LAMB4: variants seen among roughly 807,000 people sequenced by gnomAD.
The protein encoded by LAMB4 is laminin subunit beta-4.
LAMB4 carries 196 observed loss-of-function variants against 199.2 expected under a neutral mutation model. The ratio of observed to expected loss-of-function variants is 0.98; its 90% CI spans 0.88 to 1.11. The LOEUF is 1.11. Ranked by LOEUF, LAMB4 falls within the 50% of genes least tolerant of loss-of-function variation. The probability of loss-of-function intolerance (pLI) is 0.00; values close to 1 mark genes in which losing one functional copy is unlikely to be tolerated. For missense variants in LAMB4, 2,080 were observed against 2,171.2 expected, an observed-to-expected ratio of 0.96 and a Z score of 0.83; for synonymous variants, 744 against 770.6, an observed-to-expected ratio of 0.97 and a Z score of 0.57.
Position 108,062,846 on chromosome 7 carries a change from A to G in LAMB4, c.3210T>C (p.Asn1070=). The change falls in exon 23 of 34, where the codon AAT becomes AAC. Residue 1070 remains asparagine (N), a synonymous_variant. Coordinates refer to ENST00000388781, the MANE Select transcript of LAMB4 (RefSeq NM_007356.3). ...ACDRCADGYW[N]LVPGRGCQSC... ...ACTGACATCCTCTGCCAGGGACCAG[A>G]TTCCAGTATCCATCAGCACAACGGT... is the stretch of plus-strand genomic sequence containing the variant. 6.4e-7 allele frequency: 1 copy of G among 1,571,324 alleles called. No homozygotes were observed. The highest frequency in any genetic ancestry group is 1.9e-5 in the Admixed American group (1 of 52,190).
At chr7:108,024,891 G>A (rs1584572490) in intron 33 of LAMB4, among the ~76,000 whole-genome samples, 1 of 152,200 alleles carries the variant, frequency 6.6e-6, no homozygotes, top group African/African-American at 2.4e-5. Flanking sequence ...AATAATGTGA[G>A]GCAGCATTTT....
In LAMB4 at chr7:108,055,630, ACC is replaced by A; in HGVS notation, c.3755_3755+1del. The A allele has an allele frequency of 6.2e-7, 1 of 1,610,184 alleles. No individual in the cohort carries two copies. The highest frequency in any genetic ancestry group is 1.1e-5 in the South Asian group (1 of 90,130). On this transcript the variant is annotated splice_donor_variant and coding_sequence_variant, in exon 25 of 34. Coordinates refer to ENST00000388781, the MANE Select transcript of LAMB4 (RefSeq NM_007356.3). LOFTEE classifies it high-confidence loss of function. ...TGTCTGTTACTTGAGCATAAATCTT[ACC>A]TAACAGAGTCATGATAATCCTTGAC...
At chr7:108,122,045 T>C (rs933038533) in intron 2 of LAMB4, among the ~76,000 whole-genome samples, 2 of 152,208 alleles carry the variant, frequency 1.3e-5, no homozygotes, top group African/African-American at 4.8e-5. Context: ...GTACGATTGA[T>C]TGCAGTGAGG....
At chr7:108,067,145 G>T (rs2036371597) in intron 19 of LAMB4, among the ~76,000 whole-genome samples, 1 of 152,080 alleles carries the variant, frequency 6.6e-6, no homozygotes, top group Non-Finnish European at 1.5e-5. Flanking sequence ...GCGCATGGAA[G>T]AAATGTTTGT....
At chr7:108,117,471 C>T (rs1054750148) in intron 2 of LAMB4, among the ~76,000 whole-genome samples, 2 of 152,146 alleles carry the variant, frequency 1.3e-5, no homozygotes, top group Non-Finnish European at 2.9e-5. Flanking sequence ...TGGAATCTTA[C>T]TGGGGGTTAA....
intron 32 of LAMB4, 46 bp from the exon 33 acceptor site, chr7:108,029,242 T>C: frequency 1.3e-6 from 2 of 1,527,818 alleles, no homozygotes; most frequent in Non-Finnish European, 1.8e-6. Flanking sequence ...GTATAAAGCA[T>C]GTACATATAT....
At position 108,044,057 on chromosome 7, in the gene LAMB4, G is replaced by C. The variant is rs933770791; in HGVS notation, c.4327-161C>G. ...TTCATTTGCAAGGAATCTTTTACAA[G>C]GTGATTATTATCTCTTCTCATTATC... On this transcript the variant is annotated intron_variant, in intron 28 of 33. Transcript: ENST00000388781. Among the ~76,000 whole-genome samples the C allele has an allele frequency of 5.9e-5, 9 of 152,146 alleles. 1 individual carries two copies. The highest frequency in any genetic ancestry group is 6.8e-3 in the Middle Eastern group (2 of 294).
At chr7:108,087,725 C>A (rs1484029522) in intron 14 of LAMB4, among the ~76,000 whole-genome samples, 7 of 125,484 alleles carry the variant, frequency 5.6e-5, no homozygotes, top group African/African-American at 2.0e-4. Flanking sequence ...AGAGCCACTC[C>A]TCAGCATTTA....
chr7:108,092,490 T>C (rs961792620), intron 12 of LAMB4, 74 bp from the exon 13 acceptor site: 33 of 1,100,570 alleles, frequency 3.0e-5, no homozygotes, highest in Admixed American at 1.4e-4. Flanking sequence ...CTGAAATCAC[T>C]ACAATGCAAT....
In LAMB4 at chr7:108,105,809, T is replaced by C; in HGVS notation, c.870+8A>G. On this transcript the variant is annotated splice_region_variant and intron_variant, in intron 8 of 33. Coordinates refer to ENST00000388781, the MANE Select transcript of LAMB4 (RefSeq NM_007356.3). ...ACAGCCCACTGTTCTTTTGGATTAA[T>C]AACTCACCATTCCAGGAGGGCTGAA... The C allele has an allele frequency of 1.2e-6, 2 of 1,613,348 alleles. No individual in the cohort carries two copies. Among genetic ancestry groups the C allele is most frequent in the Non-Finnish European group, 1.7e-6 (2 of 1,179,238 alleles).
intron 25 of LAMB4, among the ~76,000 whole-genome samples, chr7:108,054,001 G>T (rs747107298): frequency 5.3e-5 from 8 of 152,222 alleles, no homozygotes; most frequent in Non-Finnish European, 8.8e-5. Context: ...TAGGGGTCTA[G>T]ATCTTGCAAC....
chr7:108,012,228 C>A, the LAMB4 span, among the ~76,000 whole-genome samples: 12 of 151,878 alleles, frequency 7.9e-5, no homozygotes, highest in Admixed American at 7.9e-4. Context: ...ATAACAATTT[C>A]TAATTTTCTA....
chr7:108,128,893 C>G (rs1208601353), intron 1 of LAMB4, among the ~76,000 whole-genome samples: 1 of 151,972 alleles, frequency 6.6e-6, no homozygotes, highest in Non-Finnish European at 1.5e-5. Flanking sequence ...ATAAACAAAA[C>G]ATTTTCCCTC....
At chr7:108,071,486 T>G (rs2036534437) in intron 17 of LAMB4, among the ~76,000 whole-genome samples, 1 of 152,210 alleles carries the variant, frequency 6.6e-6, no homozygotes, top group Non-Finnish European at 1.5e-5. Context: ...ATCTAACGCC[T>G]ATTAGTTGCC....
At chr7:108,016,689 T>C in the LAMB4 span, among the ~76,000 whole-genome samples, 27 of 152,240 alleles carry the variant, frequency 1.8e-4, no homozygotes, top group African/African-American at 6.5e-4. Context: ...AAAATTAACC[T>C]AGCTGTGTTA....
intron 15 of LAMB4, among the ~76,000 whole-genome samples, chr7:108,079,022 A>G (rs1361022631): frequency 6.6e-6 from 1 of 152,214 alleles, no homozygotes; most frequent in African/African-American, 2.4e-5. Context: ...TTCAAAGGAG[A>G]TGTTCAGTGG....
chr7:108,031,216 G>A (rs1287870550), intron 31 of LAMB4, among the ~76,000 whole-genome samples: 4 of 151,416 alleles, frequency 2.6e-5, no homozygotes, highest in African/African-American at 9.7e-5. Context: ...CCCAGTACTC[G>A]GGAGGCTGAG....
chr7:108,059,481 C>T (rs1276935281), intron 23 of LAMB4, among the ~76,000 whole-genome samples: 3 of 152,146 alleles, frequency 2.0e-5, no homozygotes, highest in Admixed American at 6.6e-5. Context: ...GCCTTCATCA[C>T]GGAATAGCAT....
At chr7:108,084,158 T>A (rs1359787481) in intron 14 of LAMB4, among the ~76,000 whole-genome samples, 1 of 152,132 alleles carries the variant, frequency 6.6e-6, no homozygotes, top group Non-Finnish European at 1.5e-5. Context: ...ATAAGGGGAA[T>A]CTAGAATGTG....
Sources: allele counts gnomAD v4.1 joint callset (sites outside exome capture counted in the v4.1 genomes callset), GRCh38; gene constraint gnomAD v4.1.1; transcripts MANE v1.5; gene names NCBI Gene and HGNC (gene_info 2026-07-23, HGNC 2026-07-21).